Variants in ADCY5 observed in about 807,000 individuals in gnomAD.
ADCY5 encodes adenylate cyclase 5.
In ADCY5, 30 loss-of-function variants were observed where a neutral mutation model predicts 119.7. The ratio of observed to expected loss-of-function variants is 0.25; its 90% CI spans 0.19 to 0.34. The LOEUF (loss-of-function observed/expected upper bound fraction) is 0.34. Ranked by LOEUF, ADCY5 falls within the 10% of genes least tolerant of loss-of-function variation. The pLI is 1.00. For synonymous variants in ADCY5, 753 were observed against 762.2 expected, an observed-to-expected ratio of 0.99 and a Z score of 0.20; for missense variants, 1,324 against 1,775.2, an observed-to-expected ratio of 0.75 and a Z score of 4.57.
intron 1 of ADCY5, among the ~76,000 whole-genome samples, chr3:123,418,490 C>G (rs1002254451): frequency 2.0e-5 from 3 of 152,218 alleles, no homozygotes; most frequent in Admixed American, 1.3e-4. Context: ...GCTTTTCATG[C>G]TGTGTCACAA....
chr3:123,391,173 G>T (rs1427966441), intron 1 of ADCY5, among the ~76,000 whole-genome samples: 1 of 152,216 alleles, frequency 6.6e-6, no homozygotes, highest in Non-Finnish European at 1.5e-5. Context: ...CCTCTAGGCG[G>T]GTGGGAGGGG....
Position 123,448,660 on chromosome 3 carries a change from C to A in ADCY5, c.-115G>T. ...CCAGGCTAGGGTCACACGTCGGGGG[C>A]GGCCCGGGGCCCTGCGCTGCAGCGG... On this transcript the variant is annotated 5_prime_UTR_variant, in exon 1 of 21. Coordinates refer to ENST00000462833, the MANE Select transcript of ADCY5 (RefSeq NM_183357.3). 2.0e-6 allele frequency: 2 copies of A among 985,456 alleles called. No homozygotes were observed. The highest frequency in any genetic ancestry group is 9.9e-5 in the South Asian group (2 of 20,120). 61.0% of individuals were successfully genotyped at this position (985,456 alleles called of 1,614,324 possible).
intron 17 of ADCY5, among the ~76,000 whole-genome samples, chr3:123,295,837 C>T (rs1160257474): frequency 6.6e-6 from 1 of 152,248 alleles, no homozygotes; most frequent in African/African-American, 2.4e-5. Context: ...CCGTCAGAGT[C>T]CCAGCACTGT....
chr3:123,314,346 G>C (rs772472802), intron 11 of ADCY5, 24 bp from the exon 12 acceptor site: 36 of 1,567,696 alleles, frequency 2.3e-5, no homozygotes, highest in Non-Finnish European at 2.9e-5. Context: ...GGAGGGGAGG[G>C]AGAAGCCAGG....
intron 3 of ADCY5, among the ~76,000 whole-genome samples, chr3:123,342,177 G>C (rs1942318756): frequency 6.6e-6 from 1 of 152,140 alleles, no homozygotes; most frequent in Non-Finnish European, 1.5e-5. Flanking sequence ...GTTGGCTGAG[G>C]GTGTGAGTGG....
chr3:123,394,548 T>A (rs1944489003), intron 1 of ADCY5, among the ~76,000 whole-genome samples: 1 of 152,162 alleles, frequency 6.6e-6, no homozygotes, highest in Non-Finnish European at 1.5e-5. Flanking sequence ...AATAATATAC[T>A]TGTTAAGCTC....
rs72299981 is a variant in ADCY5 at position 123,346,607 on chromosome 3, T to TTCTCTCTCTCTCTCTCTCTCTCTCTC, written c.1406+1149_1406+1174dup. On this transcript the variant is annotated intron_variant, in intron 3 of 20. Coordinates refer to ENST00000462833, the MANE Select transcript of ADCY5 (RefSeq NM_183357.3). ...CACCCCTACTGCTGTCAGCCTCACCTTCTCTCTCTCTCTCTCTCTCTCTCT... is the reference window on the plus strand; with the variant it reads ...CACCCCTACTGCTGTCAGCCTCACCTTCTCTCTCTCTCTCTCTCTCTCTCTCTCTCTCTCTCTCTCTCTCTCTCTCT... Among the ~76,000 whole-genome samples, 765 of 127,466 alleles carry TTCTCTCTCTCTCTCTCTCTCTCTCTC rather than the reference T, an allele frequency of 6.0e-3. 1 individual carries two copies. Among genetic ancestry groups the TTCTCTCTCTCTCTCTCTCTCTCTCTC allele is most frequent in the Non-Finnish European group, 9.9e-3 (553 of 55,704 alleles). 83.6% of individuals were successfully genotyped at this position (127,466 alleles called of 152,430 possible).
At chr3:123,437,843 G>A (rs1050864385) in intron 1 of ADCY5, among the ~76,000 whole-genome samples, 27 of 152,266 alleles carry the variant, frequency 1.8e-4, no homozygotes, top group African/African-American at 6.5e-4. Context: ...TCATTGTGCA[G>A]ACCCAACCTC....
chr3:123,345,731 C>CAGAG (rs1184689744), intron 3 of ADCY5, among the ~76,000 whole-genome samples: 5 of 98,400 alleles, frequency 5.1e-5, no homozygotes, highest in South Asian at 3.5e-4. Context: ...GTCACAGAGA[C>CAGAG]AGAGAGACAG....
At chr3:123,335,378 G>A (rs1026749435) in intron 3 of ADCY5, among the ~76,000 whole-genome samples, 9 of 152,096 alleles carry the variant, frequency 5.9e-5, no homozygotes, top group South Asian at 2.1e-4. Context: ...ATCATAAAAC[G>A]TACATTTTAA....
At chr3:123,314,389 CTG>C in intron 11 of ADCY5, 67 bp from the exon 12 acceptor site, 1 of 1,327,794 alleles carries the variant, frequency 7.5e-7, no homozygotes, top group Non-Finnish European at 1.1e-6. Context: ...TCTGGGGGAC[CTG>C]CCTGGCAAGC....
At chr3:123,409,247 C>T (rs1944983891) in intron 1 of ADCY5, among the ~76,000 whole-genome samples, 2 of 152,164 alleles carry the variant, frequency 1.3e-5, no homozygotes, top group Admixed American at 6.5e-5. Context: ...TTAACTATAT[C>T]CACTCAACAC....
intron 1 of ADCY5, among the ~76,000 whole-genome samples, chr3:123,382,289 G>A (rs866583961): frequency 6.6e-6 from 1 of 152,192 alleles, no homozygotes; most frequent in African/African-American, 2.4e-5. Context: ...GGTGAGAATG[G>A]AGAAATCAGA....
intron 3 of ADCY5, among the ~76,000 whole-genome samples, chr3:123,334,853 T>C (rs1423213149): frequency 6.6e-6 from 1 of 152,214 alleles, no homozygotes; most frequent in Non-Finnish European, 1.5e-5. Context: ...GAATGGTTGA[T>C]TGGGCTAATC....
chr3:123,362,713 A>C (rs1012587704), intron 1 of ADCY5, among the ~76,000 whole-genome samples: 1 of 151,940 alleles, frequency 6.6e-6, no homozygotes, highest in African/African-American at 2.4e-5. Flanking sequence ...GAGGACATAA[A>C]CTCTGCAGGC....
Position 123,302,991 on chromosome 3 carries a change from A to G in ADCY5, c.2724+64T>C, listed in dbSNP as rs9877581. 1 allele frequency: 1,568,730 copies of G among 1,572,922 alleles called. 782,365 individuals carry two copies. The highest frequency in any genetic ancestry group is 1 in the Non-Finnish European group (1,153,387 of 1,153,448). ...CCTTCAGACTGTCCTGAGCAGCTGC[A>G]GTGACAGTGGGGGAGGGCAAGGGAC... is the stretch of plus-strand genomic sequence containing the variant. On this transcript the variant is annotated intron_variant, in intron 14 of 20. Coordinates refer to ENST00000462833, the MANE Select transcript of ADCY5 (RefSeq NM_183357.3).
At chr3:123,435,135 A>C (rs1945584142) in intron 1 of ADCY5, among the ~76,000 whole-genome samples, 1 of 151,994 alleles carries the variant, frequency 6.6e-6, no homozygotes, top group Non-Finnish European at 1.5e-5. Flanking sequence ...AAACACAAAA[A>C]TTAGCTGGGC....
chr3:123,440,597 C>T (rs1945706265), intron 1 of ADCY5, among the ~76,000 whole-genome samples: 1 of 152,090 alleles, frequency 6.6e-6, no homozygotes, highest in African/African-American at 2.4e-5. Context: ...CCTTCCTTCA[C>T]ACCACCTCGG....
chr3:123,380,061 T>C (rs896589201), intron 1 of ADCY5, among the ~76,000 whole-genome samples: 1 of 152,140 alleles, frequency 6.6e-6, no homozygotes, highest in Non-Finnish European at 1.5e-5. Flanking sequence ...CAACAACGGA[T>C]GAGATTCTCC....
Sources: allele counts gnomAD v4.1 joint callset (sites outside exome capture counted in the v4.1 genomes callset), GRCh38; gene constraint gnomAD v4.1.1; transcripts MANE v1.5; gene names NCBI Gene and HGNC (gene_info 2026-07-23, HGNC 2026-07-21).